The following AATK variants were observed in gnomAD, a reference collection of about 807,000 sequenced individuals.
AATK encodes the protein serine/threonine-protein kinase LMTK1.
In AATK, 91 loss-of-function variants were observed where a neutral mutation model predicts 114.3. The ratio of observed to expected loss-of-function variants is 0.80; its 90% CI spans 0.67 to 0.95. The LOEUF is 0.95. AATK is among the 40% of genes least tolerant of loss of function. The pLI is 0.00. For synonymous variants in AATK, 1,075 were observed against 916.5 expected (o/e 1.17, Z -3.12); for missense variants, 2,176 against 1,965.2 (o/e 1.11, Z -2.03).
At chr17:81,140,833 C>CGTGGGGCCGTGAGCCGTGGGGCT (rs1340775505) in intron 1 of AATK, among the ~76,000 whole-genome samples, 1 of 61,786 alleles carries the variant, frequency 1.6e-5, no homozygotes, top group South Asian at 6.1e-4. Flanking sequence ...GCCGGGAGAC[C>CGTGGGGCCGTGAGCCGTGGGGCT]GTGGGGCCGT....
Position 81,132,226 on chromosome 17 carries a change from C to A in AATK, c.190-1021G>T, listed in dbSNP as rs1017270945. ...GTCCTTCCTCACAACCCCCAGTGCC[C>A]TGGTGGGGAAGCTGAGGCTCAGAGG... On this transcript the variant is annotated intron_variant, in intron 2 of 13. Transcript: ENST00000326724. 2.6e-5 allele frequency among the ~76,000 whole-genome samples: 4 copies of A among 152,240 alleles called. No individual in the cohort carries two copies. The South Asian group carries it at 8.3e-4, about 31-fold the overall frequency.
At chr17:81,143,251 C>T (rs982143222) in intron 1 of AATK, among the ~76,000 whole-genome samples, 3 of 152,190 alleles carry the variant, frequency 2.0e-5, no homozygotes, top group Admixed American at 1.3e-4. Context: ...CCTGCAGCAG[C>T]CCCAGGTCCC....
chr17:81,156,679 G>C (rs2061371200), intron 1 of AATK, among the ~76,000 whole-genome samples: 1 of 152,258 alleles, frequency 6.6e-6, no homozygotes, highest in Non-Finnish European at 1.5e-5. Context: ...TTACAGGTGT[G>C]AGCCACCGCG....
Position 81,126,583 on chromosome 17 carries a change from A to G in AATK, c.622-23T>C. On this transcript the variant is annotated intron_variant, in intron 6 of 13. Coordinates refer to ENST00000326724, the MANE Select transcript of AATK (RefSeq NM_001080395.3). The surrounding 1 kb of genome is among the most constrained non-coding windows in gnomAD (Gnocchi z 5.1). ...CCCCTGCAGAAAGGGGGTGTGGCGCAGTCACCAGCAGGCTGGGGGCTGGCC... is the reference window on the plus strand; with the variant it reads ...CCCCTGCAGAAAGGGGGTGTGGCGCGGTCACCAGCAGGCTGGGGGCTGGCC... 1.3e-6 allele frequency: 2 copies of G among 1,527,134 alleles called. No homozygotes were observed. The highest frequency in any genetic ancestry group is 1.4e-5 in the African/African-American group (1 of 72,718). The allele number at this position is 1,527,134 out of a possible 1,614,324, so 94.6% of individuals were successfully genotyped here.
chr17:81,125,096 G>A, intron 7 of AATK, 82 bp from the exon 8 acceptor site: 1 of 935,802 alleles, frequency 1.1e-6, no homozygotes, highest in Non-Finnish European at 1.6e-6. Flanking sequence ...GGGTCAGTGG[G>A]GTGTGCCGGG....
In AATK at chr17:81,119,553, A is replaced by AAGT. The variant is rs1275609240; in HGVS notation, c.3908_3910dup (p.Asp1303_Phe1304insTyr). On this transcript the variant is annotated inframe_insertion, in exon 13 of 14. Transcript: ENST00000326724. The stretch of plus-strand genomic sequence containing the variant: ...GGCTGCCTTGGCCGTCATCAGCGGG[A>AAGT]AGTCGTCGTCCCACGCGAACCCACC... 6.3e-7 allele frequency: 1 copy of AAGT among 1,580,454 alleles called. No homozygotes were observed. The highest frequency in any genetic ancestry group is 1.8e-5 in the Admixed American group (1 of 56,254).
Position 81,122,443 on chromosome 17 carries a change from C to G in AATK, c.1493G>C (p.Arg498Pro). 1 of 1,443,768 alleles carries G rather than the reference C, an allele frequency of 6.9e-7. No homozygotes were observed. Among genetic ancestry groups the G allele is most frequent in the Non-Finnish European group, 9.1e-7 (1 of 1,097,312 alleles). The allele number at this position is 1,443,768 out of a possible 1,614,324, so 89.4% of individuals were successfully genotyped here. A position where few individuals can be genotyped will look rare whatever the true frequency, so the allele number is the denominator to read the frequency against. ...GCACAGCTCCTGCAGGCGTGCGGTG[C>G]GGCCAGGGCTCAGCGTGGCCGGGAA... Reference protein sequence around the residue: ...EAFPATLSPGRTARLQELCAP... With the variant: ...EAFPATLSPGPTARLQELCAP... The change falls in exon 11 of 14, where the codon CGC becomes CCC. Residue 498 changes from arginine (R) to proline (P), a missense_variant. This residue lies in a region of AATK where 1,701 missense variants were observed against 1,394.7 expected (regional missense o/e 1.22). Coordinates refer to ENST00000326724, the MANE Select transcript of AATK (RefSeq NM_001080395.3).
intron 1 of AATK, among the ~76,000 whole-genome samples, chr17:81,154,187 G>A (rs975407220): frequency 2.0e-5 from 3 of 152,136 alleles, no homozygotes; most frequent in African/African-American, 4.8e-5. Context: ...TCGTCGAAAC[G>A]CACAGCCTCA....
rs762270035 is a variant in AATK at position 81,121,726 on chromosome 17, T to C, written c.2210A>G (p.Gln737Arg). Residue 737 changes from glutamine to arginine, a missense_variant, in exon 11 of 14, where the codon CAG (glutamine) becomes CGG (arginine). Physicochemically the swap from Gln to Arg is conservative, Grantham distance 43. Around this residue, in one of 4 missense-constraint regions of AATK, gnomAD observed 1,701 missense variants for 1,394.7 expected, o/e 1.22. Coordinates refer to ENST00000326724, the MANE Select transcript of AATK (RefSeq NM_001080395.3). ...PLLGLQAASAQEPGCCPGLPH... is the reference protein window; with the variant it reads ...PLLGLQAASAREPGCCPGLPH... ...GAGGCCGGGGCAGCAGCCTGGCTCC[T>C]GGGCAGAGGCTGCCTGGAGCCCAAG... 1.2e-5 allele frequency: 18 copies of C among 1,496,916 alleles called. No individual in the cohort carries two copies. Among genetic ancestry groups the C allele is most frequent in the Non-Finnish European group, 3.5e-6 (4 of 1,128,126 alleles). 92.7% of individuals were successfully genotyped at this position (1,496,916 alleles called of 1,614,324 possible). A position where few individuals can be genotyped will look rare whatever the true frequency, so the allele number is the denominator to read the frequency against.
intron 1 of AATK, among the ~76,000 whole-genome samples, chr17:81,143,760 G>C (rs570530444): frequency 6.6e-6 from 1 of 152,334 alleles, no homozygotes; most frequent in African/African-American, 2.4e-5. Context: ...GGTAAGGCGA[G>C]GCCTCCACTC....
At chr17:81,149,732 G>A (rs1457387243) in intron 1 of AATK, among the ~76,000 whole-genome samples, 1 of 152,168 alleles carries the variant, frequency 6.6e-6, no homozygotes. Context: ...GCTCACGCCT[G>A]TCCGGGCTCT....
intron 1 of AATK, among the ~76,000 whole-genome samples, chr17:81,154,617 C>G (rs560024552): frequency 5.3e-5 from 6 of 114,064 alleles, no homozygotes; most frequent in Non-Finnish European, 8.5e-5. Flanking sequence ...CCACACCCAG[C>G]CTTTCCTACT....
chr17:81,123,774 G>C (rs746526673), intron 9 of AATK, among the ~76,000 whole-genome samples: 3 of 151,212 alleles, frequency 2.0e-5, no homozygotes, highest in Non-Finnish European at 2.9e-5. Flanking sequence ...GGACGCCTCA[G>C]GCCAGCATGG....
At chr17:81,140,670 G>GAGCCATGGGGCCGT (rs1225953191) in intron 1 of AATK, among the ~76,000 whole-genome samples, 5 of 135,002 alleles carry the variant, frequency 3.7e-5, no homozygotes, top group African/African-American at 1.4e-4. Context: ...GTGGGGCCGT[G>GAGCCATGGGGCCGT]GGGACCATGG....
intron 1 of AATK, among the ~76,000 whole-genome samples, chr17:81,160,508 G>A (rs887398881): frequency 6.6e-5 from 10 of 152,248 alleles, no homozygotes; most frequent in African/African-American, 1.7e-4. Flanking sequence ...CAAGGCCGCC[G>A]GTCCCGCGGG....
chr17:81,132,480 G>A (rs4075839), intron 2 of AATK, among the ~76,000 whole-genome samples: 85,512 of 152,110 alleles, frequency 0.56, 25,199 homozygotes, highest in East Asian at 0.89. Flanking sequence ...GATGGGGGAC[G>A]CAGGTGCTGC....
chr17:81,122,628 G>A lies in AATK; in HGVS notation c.1308C>T (p.Gly436=). Residue 436 remains glycine, a synonymous_variant, in exon 11 of 14, where the codon GGC becomes GGT. Transcript: ENST00000326724. ...PGPGAAGPML[G]GVVELAAASS... is the part of the protein sequence containing the mutation. ...AGGCAGCGGCGAGCTCCACCACGCCGCCCAGCATGGGCCCCGCCGCACCGG... is the reference window on the plus strand; with the variant it reads ...AGGCAGCGGCGAGCTCCACCACGCCACCCAGCATGGGCCCCGCCGCACCGG... 7.0e-7 allele frequency: 1 copy of A among 1,420,162 alleles called. No homozygotes were observed. Among genetic ancestry groups the A allele is most frequent in the South Asian group, 1.4e-5 (1 of 71,630 alleles). 88.0% of individuals were successfully genotyped at this position (1,420,162 alleles called of 1,614,324 possible).
rs960886198 is a variant in AATK at position 81,124,917 on chromosome 17, C to T, written c.840+13G>A. ...CCCCTCATGCCCAGCCCAGCCCACC[C>T]CACCCCACTCACTCTGTACTTGCAG... On this transcript the variant is annotated intron_variant, in intron 8 of 13. Transcript: ENST00000326724. 39 of 1,563,086 alleles carry T rather than the reference C, an allele frequency of 2.5e-5. No homozygotes were observed. Among genetic ancestry groups the T allele is most frequent in the Non-Finnish European group, 3.3e-5 (38 of 1,153,286 alleles).
chr17:81,118,639 C>CT (rs1291170595), intron 13 of AATK, among the ~76,000 whole-genome samples, 197 bp from the exon 14 acceptor site: 14 of 152,242 alleles, frequency 9.2e-5, no homozygotes, highest in South Asian at 2.1e-4. Flanking sequence ...CAACTCTCAG[C>CT]AAATGCCTCC....
Sources: allele counts gnomAD v4.1 joint callset (sites outside exome capture counted in the v4.1 genomes callset), GRCh38; gene constraint gnomAD v4.1.1; regional missense constraint gnomAD v4.1.1; non-coding constraint Gnocchi (gnomAD v3.1); transcripts MANE v1.5; gene names NCBI Gene and HGNC (gene_info 2026-07-23, HGNC 2026-07-21).